Variants in TRPC4 observed in about 807,000 individuals in gnomAD.
The protein encoded by TRPC4 is short transient receptor potential channel 4.
Under a neutral mutation model 99.4 loss-of-function variants are expected in TRPC4, and 49 were observed. That is an observed-to-expected ratio of 0.49 (90% CI 0.39 to 0.63). The LOEUF is 0.63. TRPC4 is among the 20% of genes least tolerant of loss of function. The pLI, the probability that TRPC4 is intolerant of heterozygous loss-of-function variation, is 0.00. For synonymous variants in TRPC4, 454 were observed against 425.9 expected (o/e 1.07, Z -0.81); for missense variants, 898 against 1,152.9 (o/e 0.78, Z 3.20).
In TRPC4 at chr13:37,756,815, G is replaced by A. The variant is rs143710200; in HGVS notation, c.379-10360C>T. ...CTCCCAAAGTGCTGGGATTACAGGC[G>A]TGAGCCACCGTGACTGGCCTAAATA... On this transcript the variant is annotated intron_variant, in intron 2 of 10. Coordinates refer to ENST00000379705, the MANE Select transcript of TRPC4 (RefSeq NM_016179.4). Among the ~76,000 whole-genome samples, 1,298 of 152,052 alleles carry A rather than the reference G, an allele frequency of 8.5e-3. 6 individuals carry two copies. Among genetic ancestry groups the A allele is most frequent in the Middle Eastern group, 0.024 (7 of 294 alleles).
Position 37,835,770 on chromosome 13 carries a change from G to T in TRPC4, c.-28+33825C>A, listed in dbSNP as rs182623109. ...AAGGTGCATGACATTAGTATGTACAGCATACTCGTATGCACAATTCCCAAT... is the reference window on the plus strand; with the variant it reads ...AAGGTGCATGACATTAGTATGTACATCATACTCGTATGCACAATTCCCAAT... On this transcript the variant is annotated intron_variant, in intron 1 of 10. Coordinates refer to ENST00000379705, the MANE Select transcript of TRPC4 (RefSeq NM_016179.4). Among the ~76,000 whole-genome samples, 262 of 152,322 alleles carry T rather than the reference G, an allele frequency of 1.7e-3. 2 individuals are homozygous for T. Among genetic ancestry groups the T allele is most frequent in the African/African-American group, 5.9e-3 (245 of 41,578 alleles).
At chr13:37,647,322 T>C (rs1210645019) in intron 8 of TRPC4, among the ~76,000 whole-genome samples, 1 of 152,122 alleles carries the variant, frequency 6.6e-6, no homozygotes, top group African/African-American at 2.4e-5. Flanking sequence ...GTAGCTTGAA[T>C]TTTCTGCTTC....
At chr13:37,844,719 A>G (rs1038059281) in intron 1 of TRPC4, among the ~76,000 whole-genome samples, 1 of 152,106 alleles carries the variant, frequency 6.6e-6, no homozygotes, top group Admixed American at 6.6e-5. Flanking sequence ...TAGATCATCT[A>G]GTACTGCCAA....
Position 37,636,149 on chromosome 13 carries a change from C to T in TRPC4, c.*754G>A, listed in dbSNP as rs1008439671. ...TGAAATTCAGTTATTCATAAAGACT[C>T]ATATTTATACTGATAAGCAGTTGAA... On this transcript the variant is annotated 3_prime_UTR_variant, in exon 11 of 11. Transcript: ENST00000379705. 6.6e-6 allele frequency among the ~76,000 whole-genome samples: 1 copy of T among 151,914 alleles called. No individual in the cohort carries two copies. Among genetic ancestry groups the T allele is most frequent in the East Asian group, 1.9e-4 (1 of 5,170 alleles).
At chr13:37,821,189 GCC>G (rs1491412567) in intron 1 of TRPC4, among the ~76,000 whole-genome samples, 16 of 70,132 alleles carry the variant, frequency 2.3e-4, no homozygotes, top group African/African-American at 9.3e-4. Context: ...ATTCACAATA[GCC>G]ACACACACAC....
At chr13:37,823,413 T>C (rs1175033785) in intron 1 of TRPC4, among the ~76,000 whole-genome samples, 3 of 143,376 alleles carry the variant, frequency 2.1e-5, no homozygotes, top group African/African-American at 7.6e-5. Context: ...AGGTCTAACG[T>C]TGAAGTCTTT....
chr13:37,729,912 T>C (rs1955188918), intron 3 of TRPC4, among the ~76,000 whole-genome samples: 1 of 152,088 alleles, frequency 6.6e-6, no homozygotes, highest in African/African-American at 2.4e-5. Flanking sequence ...ATCGTAGTGA[T>C]GGTTGCACGG....
At chr13:37,797,313 C>T (rs1957282908) in intron 1 of TRPC4, among the ~76,000 whole-genome samples, 2 of 152,120 alleles carry the variant, frequency 1.3e-5, no homozygotes, top group Admixed American at 6.6e-5. Context: ...ATGGATGCAA[C>T]TAAGAAATGG....
At chr13:37,693,190 T>G in intron 3 of TRPC4, among the ~76,000 whole-genome samples, 1 of 152,094 alleles carries the variant, frequency 6.6e-6, no homozygotes, top group East Asian at 1.9e-4. Context: ...ACCTTTCTCA[T>G]TGGGATTGTC....
intron 8 of TRPC4, 27 bp from the exon 9 acceptor site, chr13:37,639,326 T>C (rs1157563330): frequency 1.9e-6 from 3 of 1,606,098 alleles, no homozygotes; most frequent in Non-Finnish European, 2.6e-6. Context: ...CATTCCTTTC[T>C]GGTTATACTG....
intron 8 of TRPC4, among the ~76,000 whole-genome samples, chr13:37,642,521 T>G (rs191081226): frequency 1.3e-5 from 2 of 152,196 alleles, no homozygotes; most frequent in Admixed American, 6.5e-5. Flanking sequence ...CTCAGGGATA[T>G]TTCTCTTCAG....
At chr13:37,650,557 C>G (rs1020318617) in intron 8 of TRPC4, among the ~76,000 whole-genome samples, 10 of 151,682 alleles carry the variant, frequency 6.6e-5, no homozygotes, top group Admixed American at 2.0e-4. Flanking sequence ...TCCCCGCCCC[C>G]TCACCTTTCT....
chr13:37,784,457 A>G (rs986847807), intron 1 of TRPC4, among the ~76,000 whole-genome samples: 5 of 152,064 alleles, frequency 3.3e-5, no homozygotes, highest in Admixed American at 2.0e-4. Flanking sequence ...AGATTCATAG[A>G]AAAAAAGTAT....
chr13:37,790,689 C>T (rs370896563), intron 1 of TRPC4, among the ~76,000 whole-genome samples: 2 of 152,196 alleles, frequency 1.3e-5, no homozygotes, highest in South Asian at 2.1e-4. Context: ...ATCATTTTCC[C>T]GCCTTGAAAG....
At chr13:37,847,803 C>T (rs1028370310) in intron 1 of TRPC4, among the ~76,000 whole-genome samples, 1 of 151,896 alleles carries the variant, frequency 6.6e-6, no homozygotes, top group African/African-American at 2.4e-5. Context: ...TTATGAAGTC[C>T]ACAAATATAT....
chr13:37,660,025 T>C (rs1952375867), intron 6 of TRPC4, among the ~76,000 whole-genome samples: 1 of 152,154 alleles, frequency 6.6e-6, no homozygotes. Flanking sequence ...AAATTGGTGC[T>C]AGTAATATAA....
intron 3 of TRPC4, among the ~76,000 whole-genome samples, chr13:37,741,426 G>A (rs1955585744): frequency 6.6e-6 from 1 of 152,046 alleles, no homozygotes; most frequent in Non-Finnish European, 1.5e-5. Flanking sequence ...CAGTTTTAAG[G>A]GTATGACTAC....
chr13:37,690,384 G>T (rs1953644301), intron 4 of TRPC4, among the ~76,000 whole-genome samples: 1 of 152,026 alleles, frequency 6.6e-6, no homozygotes, highest in African/African-American at 2.4e-5. Context: ...GTGTAATCTT[G>T]GTTCACCGCA....
chr13:37,765,975 A>AT (rs67988882), intron 2 of TRPC4, among the ~76,000 whole-genome samples: 56,796 of 150,674 alleles, frequency 0.38, 12,436 homozygotes, highest in Non-Finnish European at 0.51. Context: ...AAGATGAATC[A>AT]TTTTTTTTCC....
Sources: allele counts gnomAD v4.1 joint callset (sites outside exome capture counted in the v4.1 genomes callset), GRCh38; gene constraint gnomAD v4.1.1; transcripts MANE v1.5; gene names NCBI Gene and HGNC (gene_info 2026-07-23, HGNC 2026-07-21).